The following CFH variants were observed in gnomAD, a reference collection of about 807,000 sequenced individuals.
The protein encoded by CFH is complement factor H.
A neutral mutation model predicts 147.3 loss-of-function variants in CFH; 53 were observed. That is an observed-to-expected ratio of 0.36 (90% CI 0.29 to 0.45). The LOEUF (loss-of-function observed/expected upper bound fraction) is 0.45, where lower values mean the gene tolerates loss of function less well. Ranked by LOEUF, CFH falls within the 20% of genes least tolerant of loss-of-function variation. CFH has a pLI of 1.00. For synonymous variants in CFH, 536 were observed against 489.4 expected (o/e 1.10, Z -1.26); for missense variants, 1,380 against 1,498.0 (o/e 0.92, Z 1.30).
intron 11 of CFH, among the ~76,000 whole-genome samples, chr1:196,718,157 AT>A (rs1558175293): frequency 6.6e-6 from 1 of 152,122 alleles, no homozygotes; most frequent in Non-Finnish European, 1.5e-5. Flanking sequence ...ACAGGAGAAA[AT>A]GGTGAAAACA....
intron 15 of CFH, among the ~76,000 whole-genome samples, chr1:196,728,971 T>C (rs1489124492): frequency 1.3e-5 from 2 of 152,132 alleles, no homozygotes; most frequent in African/African-American, 4.8e-5. Context: ...TTCATCTACC[T>C]GTTCATCTAC....
intron 21 of CFH, 60 bp downstream of exon 21, chr1:196,746,059 T>C (rs748341939): frequency 1.0e-4 from 163 of 1,611,282 alleles, no homozygotes; most frequent in Admixed American, 1.8e-4. Context: ...GATATTTCAC[T>C]GTTTGTAACA....
intron 9 of CFH, chr1:196,701,589 T>C (rs1243270522): frequency 7.8e-6 from 4 of 512,490 alleles, no homozygotes; most frequent in African/African-American, 1.9e-5. Flanking sequence ...AGTGTATTGT[T>C]CTGTTGCTGT....
intron 10 of CFH, among the ~76,000 whole-genome samples, chr1:196,714,710 GAGAGAGAGAT>G (rs1182622594): frequency 6.0e-5 from 8 of 133,574 alleles, no homozygotes; most frequent in African/African-American, 2.2e-4. Flanking sequence ...GAGAGAGAGA[GAGAGAGAGAT>G]GGAGTCTTGC....
In CFH at chr1:196,728,899, A is replaced by G. The variant is rs184358533; in HGVS notation, c.2413+377A>G. Reference sequence around the variant, plus strand: ...TATCTGTTTGTATATGTCTGTATGCATGTATGTATGTATCTATATCTATTT... The same window carrying G: ...TATCTGTTTGTATATGTCTGTATGCGTGTATGTATGTATCTATATCTATTT... On this transcript the variant is annotated intron_variant, in intron 15 of 21. Transcript: ENST00000367429. Among the ~76,000 whole-genome samples the G allele has an allele frequency of 2.6e-4, 40 of 151,968 alleles. 1 individual carries two copies. The East Asian group carries it at 6.6e-3, about 25-fold the overall frequency.
chr1:196,714,656 TATATATATATATAGAGAGAGAGAGAG>T (rs1489551800), intron 10 of CFH, among the ~76,000 whole-genome samples: 4 of 49,348 alleles, frequency 8.1e-5, no homozygotes, highest in Admixed American at 8.0e-4. Flanking sequence ...TATATATATA[TATATATATATATAGAGAGAGAGAGAG>T]AGAGAGAGAG....
chr1:196,740,736 G>T lies in CFH; in HGVS notation c.2900G>T (p.Gly967Val), dbSNP rs375951438. The change falls in exon 18 of 22, where the codon GGG becomes GTG. Residue 967 changes from glycine (G) to valine (V), a missense_variant. Gly to Val is a moderately radical substitution (Grantham distance 109). Coordinates refer to ENST00000367429, the MANE Select transcript of CFH (RefSeq NM_000186.4). ...TGTTTTGAAGGTTTTGGAATTGATG[G>T]GCCTGCAATTGCAAAATGCTTAGGA... is the stretch of plus-strand genomic sequence containing the variant. Reference protein sequence around the residue: ...YKCFEGFGIDGPAIAKCLGEK... With the variant: ...YKCFEGFGIDVPAIAKCLGEK... 3 of 1,613,742 alleles carry T rather than the reference G, an allele frequency of 1.9e-6. No homozygotes were observed. In the South Asian group the frequency reaches 3.3e-5, roughly 18 times the overall value.
In CFH at chr1:196,689,866, G is replaced by C. The variant is rs539222741; in HGVS notation, c.1160-197G>C. On this transcript the variant is annotated intron_variant, in intron 8 of 21. Transcript: ENST00000367429. ...ACATCTATTAATTATAAAAACTAAA[G>C]ATAAGTAATATTGAATATTGATATT... Among the ~76,000 whole-genome samples the C allele has an allele frequency of 2.0e-5, 3 of 152,032 alleles. No individual in the cohort carries two copies. In the East Asian group the frequency reaches 5.8e-4, roughly 29 times the overall value.
At chr1:196,741,809 T>C in intron 18 of CFH, 66 bp from the exon 19 acceptor site, 2 of 1,422,516 alleles carry the variant, frequency 1.4e-6, no homozygotes, top group Non-Finnish European at 2.0e-6. Flanking sequence ...TAGAATCCAT[T>C]ACATGTATTG....
chr1:196,702,876 G>A (rs1668495185), intron 9 of CFH, among the ~76,000 whole-genome samples: 1 of 152,120 alleles, frequency 6.6e-6, no homozygotes, highest in South Asian at 2.1e-4. Flanking sequence ...GGATGGTCAA[G>A]CAGAAGCCTA....
chr1:196,743,664 G>A lies in CFH; in HGVS notation c.3310+36G>A, dbSNP rs748953780. ...ATATTTCTTTTAACATTTTGGGGGA[G>A]TATAGCAGGGTTAAAATATGTTGAT... On this transcript the variant is annotated intron_variant, in intron 20 of 21. Transcript: ENST00000367429. The A allele has an allele frequency of 4.3e-6, 7 of 1,612,636 alleles. No homozygotes were observed. In the South Asian group the frequency reaches 7.7e-5, roughly 18 times the overall value.
intron 1 of CFH, among the ~76,000 whole-genome samples, chr1:196,652,705 T>G (rs902709831): frequency 6.6e-6 from 1 of 151,930 alleles, no homozygotes; most frequent in African/African-American, 2.4e-5. Flanking sequence ...AAAAATATTA[T>G]ATAAATTTGA....
chr1:196,720,861 G>A (rs1010873707), intron 11 of CFH, among the ~76,000 whole-genome samples: 1 of 151,826 alleles, frequency 6.6e-6, no homozygotes, highest in African/African-American at 2.4e-5. Flanking sequence ...TCTGTTTTTA[G>A]TTCTTTGGGA....
chr1:196,713,886 A>T lies in CFH; in HGVS notation c.1488A>T (p.Lys496Asn). 1 of 1,612,732 alleles carries T rather than the reference A, an allele frequency of 6.2e-7. No homozygotes were observed. The highest frequency in any genetic ancestry group is 8.5e-7 in the Non-Finnish European group (1 of 1,179,132). ...CATCAGGATCAATTACATGTGGGAA[A>T]GATGGATGGTCAGCTCAACCCACGT... is the stretch of plus-strand genomic sequence containing the variant. ...GETSGSITCGKDGWSAQPTCI... is the reference protein window; with the variant it reads ...GETSGSITCGNDGWSAQPTCI... The change falls in exon 10 of 22, where the codon AAA becomes AAT. Residue 496 changes from lysine to asparagine, a missense_variant. Lys to Asn is a moderately conservative substitution (Grantham distance 94). Coordinates refer to ENST00000367429, the MANE Select transcript of CFH (RefSeq NM_000186.4).
chr1:196,677,998 A>G, intron 5 of CFH: 1 of 344,112 alleles, frequency 2.9e-6, no homozygotes, highest in Non-Finnish European at 5.6e-6. Context: ...CCATGCTTTA[A>G]CCATAACTCC....
At chr1:196,726,294 T>G (rs1669135180) in intron 12 of CFH, among the ~76,000 whole-genome samples, 176 bp from the exon 13 acceptor site, 1 of 152,186 alleles carries the variant, frequency 6.6e-6, no homozygotes, top group Non-Finnish European at 1.5e-5. Flanking sequence ...ACCTTCAATA[T>G]GACAATTTAG....
At chr1:196,710,161 T>C (rs994782378) in intron 9 of CFH, among the ~76,000 whole-genome samples, 1 of 152,058 alleles carries the variant, frequency 6.6e-6, no homozygotes, top group Non-Finnish European at 1.5e-5. Context: ...CCTGACCAAT[T>C]GACAACCCAA....
chr1:196,741,828 C>A (rs1040667965), intron 18 of CFH, 47 bp from the exon 19 acceptor site: 1 of 1,557,232 alleles, frequency 6.4e-7, no homozygotes, highest in Non-Finnish European at 8.9e-7. Context: ...TGTATGTAAC[C>A]TATTTTTAAA....
intron 1 of CFH, among the ~76,000 whole-genome samples, chr1:196,671,789 A>T (rs984618203): frequency 2.0e-5 from 3 of 149,810 alleles, no homozygotes; most frequent in Admixed American, 6.7e-5. Flanking sequence ...CCATTTATAT[A>T]TATGTTTGCT....
Sources: allele counts gnomAD v4.1 joint callset (sites outside exome capture counted in the v4.1 genomes callset), GRCh38; gene constraint gnomAD v4.1.1; transcripts MANE v1.5; gene names NCBI Gene and HGNC (gene_info 2026-07-23, HGNC 2026-07-21).